Variants in BTBD7 observed in about 807,000 individuals in gnomAD.
BTBD7 encodes the protein BTB domain containing 7.
In BTBD7, 38 loss-of-function variants were observed where a neutral mutation model predicts 99.9. The ratio of observed to expected loss-of-function variants is 0.38; its 90% CI spans 0.29 to 0.50. The LOEUF is 0.50. BTBD7 is among the 20% of genes least tolerant of loss of function. The probability of loss-of-function intolerance (pLI) is 0.93; values close to 1 mark genes in which losing one functional copy is unlikely to be tolerated. For synonymous variants in BTBD7, 520 were observed against 511.4 expected (o/e 1.02, Z -0.23); for missense variants, 1,170 against 1,394.6 (o/e 0.84, Z 2.57).
chr14:93,318,684 T>C (rs879713297), intron 1 of BTBD7, among the ~76,000 whole-genome samples: 1 of 152,200 alleles, frequency 6.6e-6, no homozygotes, highest in Non-Finnish European at 1.5e-5. Flanking sequence ...ATAGCCTGCA[T>C]GTAAGAAGTG....
At position 93,246,249 on chromosome 14, in the gene BTBD7, T is replaced by A. The variant is rs2052308418; in HGVS notation, c.2159A>T (p.Asp720Val). 2.8e-5 allele frequency: 42 copies of A among 1,510,578 alleles called. No homozygotes were observed. The highest frequency in any genetic ancestry group is 3.6e-5 in the Non-Finnish European group (41 of 1,128,368). 93.6% of individuals were successfully genotyped at this position (1,510,578 alleles called of 1,614,324 possible). A position where few individuals can be genotyped will look rare whatever the true frequency, so the allele number is the denominator to read the frequency against. ...HKFFPDERFG[D>V]ESPLLTMRQP... is the part of the protein sequence containing the mutation. ...TCTCATTGTCAAGAGTGGACTTTCA[T>A]CCCCAAAACGTTCATCAGGAAAGAA... Residue 720 changes from aspartate to valine, a missense_variant, in exon 10 of 11, where the codon GAT becomes GTT. Physicochemically the swap from Asp to Val is radical, Grantham distance 152 (BLOSUM62 -3). Coordinates refer to ENST00000334746, the MANE Select transcript of BTBD7 (RefSeq NM_001002860.4).
At chr14:93,252,672 G>T (rs935302130) in intron 7 of BTBD7, among the ~76,000 whole-genome samples, 3 of 151,948 alleles carry the variant, frequency 2.0e-5, no homozygotes, top group African/African-American at 7.3e-5. Flanking sequence ...ACCATGCCTG[G>T]TTTAAAAATG....
intron 2 of BTBD7, 88 bp downstream of exon 2, chr14:93,295,882 C>T: frequency 8.4e-7 from 1 of 1,185,068 alleles, no homozygotes; most frequent in Non-Finnish European, 1.2e-6. Context: ...AACTACAGCT[C>T]ACTTCTTTTG....
chr14:93,329,584 A>G (rs888538182), intron 1 of BTBD7, among the ~76,000 whole-genome samples: 4 of 152,242 alleles, frequency 2.6e-5, no homozygotes, highest in Admixed American at 1.3e-4. Context: ...AAATATAAAA[A>G]TAACATACAA....
chr14:93,307,072 TC>T (rs1233696980), intron 1 of BTBD7, among the ~76,000 whole-genome samples: 1 of 152,210 alleles, frequency 6.6e-6, no homozygotes, highest in African/African-American at 2.4e-5. Context: ...TCCTGACATC[TC>T]CCACACCACA....
chr14:93,313,115 G>A (rs11623387), intron 1 of BTBD7, among the ~76,000 whole-genome samples: 2,697 of 152,142 alleles, frequency 0.018, 42 homozygotes, highest in South Asian at 0.074. Flanking sequence ...GTTTAGGTTC[G>A]GTTTTGCTGG....
intron 3 of BTBD7, among the ~76,000 whole-genome samples, chr14:93,284,991 G>C (rs1374590013): frequency 6.6e-6 from 1 of 152,004 alleles, no homozygotes; most frequent in African/African-American, 2.4e-5. Context: ...ATATGAAACT[G>C]AGATTAACTC....
At chr14:93,267,302 G>A (rs1162795950) in intron 3 of BTBD7, among the ~76,000 whole-genome samples, 2 of 152,158 alleles carry the variant, frequency 1.3e-5, no homozygotes, top group East Asian at 1.9e-4. Context: ...AAATCCTAGC[G>A]CTGCCACTCA....
intron 1 of BTBD7, among the ~76,000 whole-genome samples, chr14:93,319,106 C>G (rs2053240714): frequency 1.3e-5 from 2 of 152,300 alleles, no homozygotes; most frequent in African/African-American, 4.8e-5. Context: ...ACTCCGGAGG[C>G]TGAGATGAGG....
chr14:93,292,411 CA>C (rs1326946513), intron 3 of BTBD7, among the ~76,000 whole-genome samples: 4 of 151,810 alleles, frequency 2.6e-5, no homozygotes, highest in African/African-American at 9.7e-5. Context: ...TTTTTGATAA[CA>C]TATTTTTCCT....
At chr14:93,279,096 C>G (rs569166987) in intron 3 of BTBD7, among the ~76,000 whole-genome samples, 1 of 152,298 alleles carries the variant, frequency 6.6e-6, no homozygotes, top group Admixed American at 6.5e-5. Context: ...ATTTCTAGAA[C>G]ATTTCTTACG....
intron 6 of BTBD7, chr14:93,256,252 TTTTG>T (rs1246566395): frequency 3.9e-5 from 6 of 152,302 alleles, no homozygotes; most frequent in Admixed American, 1.3e-4. Context: ...TATTATTATG[TTTTG>T]TTTTTTTTCC....
At position 93,246,298 on chromosome 14, in the gene BTBD7, TAA is replaced by T. The variant is rs55659625; in HGVS notation, c.2122-14_2122-13del. ...AATTTGTGAGGATTCTAAAAAAGAT[TAA>T]AAAAAAAAAAAAAGGACATTTATTA... is the stretch of plus-strand genomic sequence containing the variant. On this transcript the variant is annotated splice_polypyrimidine_tract_variant and intron_variant, in intron 9 of 10. Coordinates refer to ENST00000334746, the MANE Select transcript of BTBD7 (RefSeq NM_001002860.4). 0.25 allele frequency: 339,249 copies of T among 1,336,614 alleles called. 10,800 individuals carry two copies. The highest frequency in any genetic ancestry group is 0.43 in the African/African-American group (28,226 of 65,918). 82.8% of individuals were successfully genotyped at this position (1,336,614 alleles called of 1,614,324 possible). A position where few individuals can be genotyped will look rare whatever the true frequency, so the allele number is the denominator to read the frequency against.
chr14:93,239,142 C>T lies in BTBD7; in HGVS notation c.*3131G>A, dbSNP rs1054511505. 1 of 152,288 alleles carries T rather than the reference C, an allele frequency of 6.6e-6. No homozygotes were observed. Among genetic ancestry groups the T allele is most frequent in the African/African-American group, 2.4e-5 (1 of 41,420 alleles). 9.4% of individuals were successfully genotyped at this position (152,288 alleles called of 1,614,324 possible). On this transcript the variant is annotated 3_prime_UTR_variant, in exon 11 of 11. Transcript: ENST00000334746. ...TTTGCCTTTCATGATGCTGTTTTTT[C>T]CTTAGGAGCCACGGGTGACTCTGAA...
At chr14:93,308,250 GC>G (rs1344756795) in intron 1 of BTBD7, among the ~76,000 whole-genome samples, 1 of 144,878 alleles carries the variant, frequency 6.9e-6, no homozygotes, top group Non-Finnish European at 1.5e-5. Context: ...TCGCACCACT[GC>G]ACTCCAGCCT....
intron 4 of BTBD7, 126 bp downstream of exon 4, chr14:93,263,659 T>TTAAAAA: frequency 1.2e-6 from 1 of 837,498 alleles, no homozygotes; most frequent in South Asian, 1.7e-5. Flanking sequence ...AGGGCAGTCC[T>TTAAAAA]GGGTGGTTTG....
At chr14:93,254,403 T>TG (rs2052406077) in intron 6 of BTBD7, among the ~76,000 whole-genome samples, 1 of 152,200 alleles carries the variant, frequency 6.6e-6, no homozygotes, top group African/African-American at 2.4e-5. Flanking sequence ...CAATTTTTTT[T>TG]CTTTACTCAT....
chr14:93,311,104 A>T (rs1460615625), intron 1 of BTBD7, among the ~76,000 whole-genome samples: 1 of 152,242 alleles, frequency 6.6e-6, no homozygotes, highest in East Asian at 1.9e-4. Flanking sequence ...GCTTCCTAGC[A>T]TCCTTAAAGA....
rs117581240 is a variant in BTBD7, at chr14:93,296,672, G to C, written c.-106-515C>G. On this transcript the variant is annotated intron_variant, in intron 1 of 10. Transcript: ENST00000334746. Reference sequence around the variant, plus strand: ...ATAATTAGGCATTTTACTAAAAGAGGGAGGAGGAAAGGTGGACAATTAAAG... The same window carrying C: ...ATAATTAGGCATTTTACTAAAAGAGCGAGGAGGAAAGGTGGACAATTAAAG... Among the ~76,000 whole-genome samples the C allele has an allele frequency of 3.5e-3, 533 of 152,186 alleles. 12 individuals are homozygous for C. In the South Asian group the frequency reaches 0.052, roughly 15 times the overall value.
Sources: allele counts gnomAD v4.1 joint callset (sites outside exome capture counted in the v4.1 genomes callset), GRCh38; gene constraint gnomAD v4.1.1; transcripts MANE v1.5; gene names NCBI Gene and HGNC (gene_info 2026-07-23, HGNC 2026-07-21).